The following USP37 variants were observed in gnomAD, a reference collection of about 807,000 sequenced individuals.
USP37 encodes ubiquitin carboxyl-terminal hydrolase 37.
In USP37, 27 loss-of-function variants were observed where a neutral mutation model predicts 124.0. The observed-to-expected ratio is 0.22, with a 90% CI of 0.16 to 0.30. The LOEUF (loss-of-function observed/expected upper bound fraction) is 0.30, where lower values mean the gene tolerates loss of function less well. Among genes scored for constraint, USP37 ranks in the 10% least tolerant of loss-of-function variants. The probability of loss-of-function intolerance (pLI) is 1.00; values close to 1 mark genes in which losing one functional copy is unlikely to be tolerated. For synonymous variants in USP37, 365 were observed against 388.0 expected, an observed-to-expected ratio of 0.94 and a Z score of 0.70; for missense variants, 889 against 1,140.4, an observed-to-expected ratio of 0.78 and a Z score of 3.17.
intron 8 of USP37, among the ~76,000 whole-genome samples, chr2:218,539,248 C>T (rs1016741828): frequency 9.2e-5 from 14 of 152,106 alleles, no homozygotes; most frequent in Non-Finnish European, 1.9e-4. Context: ...TATTAGCCAC[C>T]GTGCCCGACC....
At chr2:218,542,380 T>C (rs1207825861) in intron 8 of USP37, among the ~76,000 whole-genome samples, 1 of 152,164 alleles carries the variant, frequency 6.6e-6, no homozygotes, top group Non-Finnish European at 1.5e-5. Flanking sequence ...AAAAGTGTAG[T>C]GAACATGCTA....
chr2:218,504,039 G>A (rs1311919812), intron 11 of USP37, among the ~76,000 whole-genome samples: 2 of 152,074 alleles, frequency 1.3e-5, no homozygotes, highest in Non-Finnish European at 2.9e-5. Flanking sequence ...GGATAAAAAG[G>A]GGCATTTCAT....
chr2:218,566,654 A>G (rs1426714151), intron 1 of USP37, among the ~76,000 whole-genome samples: 1 of 152,212 alleles, frequency 6.6e-6, no homozygotes, highest in Admixed American at 6.5e-5. Context: ...TGGTTATCTC[A>G]CTTAATCCTC....
intron 22 of USP37, among the ~76,000 whole-genome samples, chr2:218,460,550 A>T (rs528346962): frequency 3.3e-5 from 5 of 152,338 alleles, no homozygotes; most frequent in African/African-American, 1.2e-4. Context: ...TATAAGCTAT[A>T]TATGTTAGAT....
chr2:218,494,539 G>A (rs1358205056), intron 14 of USP37, among the ~76,000 whole-genome samples: 1 of 152,148 alleles, frequency 6.6e-6, no homozygotes, highest in Non-Finnish European at 1.5e-5. Context: ...ACAAAGTCAG[G>A]TTTCTTATGA....
At chr2:218,465,085 T>C (rs1690241644) in intron 21 of USP37, among the ~76,000 whole-genome samples, 1 of 151,176 alleles carries the variant, frequency 6.6e-6, no homozygotes, top group South Asian at 2.1e-4. Context: ...TCTCAATAAA[T>C]AAACAGGAAG....
chr2:218,495,608 GT>G (rs1458326437), intron 14 of USP37, 151 bp downstream of exon 14: 8 of 719,544 alleles, frequency 1.1e-5, no homozygotes, highest in Non-Finnish European at 1.7e-5. Flanking sequence ...ATAAGCTGGG[GT>G]TGTGCCACTG....
intron 18 of USP37, among the ~76,000 whole-genome samples, chr2:218,478,677 T>C (rs1691099744): frequency 6.6e-6 from 1 of 152,338 alleles, no homozygotes; most frequent in Non-Finnish European, 1.5e-5. Flanking sequence ...ATTCCATTAA[T>C]GATTACTATA....
rs1280690740 is a variant in USP37 at position 218,491,029 on chromosome 2, A to G, written c.1473-2608T>C. Among the ~76,000 whole-genome samples the G allele has an allele frequency of 2.6e-5, 4 of 152,072 alleles. No individual in the cohort carries two copies. The South Asian group carries it at 6.2e-4, about 24-fold the overall frequency. ...GCTGGGACTACAGGTGTGCACCACCATGTCTGGCTATTTTTAAACTTTTTG... is the reference window on the plus strand; with the variant it reads ...GCTGGGACTACAGGTGTGCACCACCGTGTCTGGCTATTTTTAAACTTTTTG... On this transcript the variant is annotated intron_variant, in intron 14 of 25. Coordinates refer to ENST00000258399, the MANE Select transcript of USP37 (RefSeq NM_020935.3).
At chr2:218,499,632 T>C (rs1689263039) in intron 11 of USP37, among the ~76,000 whole-genome samples, 1 of 152,244 alleles carries the variant, frequency 6.6e-6, no homozygotes. Flanking sequence ...TTATAGCTTT[T>C]CTTCCCTCAC....
chr2:218,523,574 G>T (rs1450082597), intron 10 of USP37, among the ~76,000 whole-genome samples: 1 of 150,678 alleles, frequency 6.6e-6, no homozygotes, highest in African/African-American at 2.5e-5. Context: ...TTTTGGCGGG[G>T]GGGTCTTTTT....
intron 7 of USP37, 138 bp from the exon 8 acceptor site, chr2:218,546,436 T>C: frequency 1.6e-6 from 1 of 642,490 alleles, no homozygotes. Flanking sequence ...ATTATTATTT[T>C]CCAGACAGTC....
rs780002558 is a variant in USP37, at chr2:218,546,936, T to C, written c.585A>G (p.Ser195=). 2 of 1,611,020 alleles carry C rather than the reference T, an allele frequency of 1.2e-6. No homozygotes were observed. Among genetic ancestry groups the C allele is most frequent in the South Asian group, 2.2e-5 (2 of 90,172 alleles). ...SLTSTSTPLR[S]GLLENRTEKR... ...TCTCCTACCGATTTTCTAGCAACCCTGATCTAAGAGGTGTTGAAGTAGATG... is the reference window on the plus strand; with the variant it reads ...TCTCCTACCGATTTTCTAGCAACCCCGATCTAAGAGGTGTTGAAGTAGATG... Residue 195 remains serine, a synonymous_variant, in exon 7 of 26, where the codon TCA becomes TCG. Transcript: ENST00000258399.
intron 2 of USP37, among the ~76,000 whole-genome samples, chr2:218,561,719 A>C (rs1306530287): frequency 6.6e-6 from 1 of 152,060 alleles, no homozygotes; most frequent in African/African-American, 2.4e-5. Flanking sequence ...CTGCAGATCA[A>C]ATCATATCCC....
At chr2:218,536,293 A>G (rs1189526857) in intron 8 of USP37, among the ~76,000 whole-genome samples, 1 of 152,194 alleles carries the variant, frequency 6.6e-6, no homozygotes, top group African/African-American at 2.4e-5. Flanking sequence ...ACCATCATGA[A>G]CTAAGCCTGT....
chr2:218,500,202 A>G (rs1485122391), intron 11 of USP37, among the ~76,000 whole-genome samples: 1 of 151,836 alleles, frequency 6.6e-6, no homozygotes, highest in East Asian at 1.9e-4. Flanking sequence ...AGCCTCCCAA[A>G]TAACTAGGGT....
At chr2:218,550,175 C>CA (rs964827056) in intron 5 of USP37, among the ~76,000 whole-genome samples, 4 of 147,908 alleles carry the variant, frequency 2.7e-5, no homozygotes, top group Admixed American at 6.7e-5. Flanking sequence ...ATTTACAAAG[C>CA]AAAAAAAAAG....
chr2:218,499,482 C>G (rs1689254237), intron 11 of USP37, among the ~76,000 whole-genome samples: 2 of 152,008 alleles, frequency 1.3e-5, no homozygotes, highest in Admixed American at 6.6e-5. Flanking sequence ...GTTCTAAATA[C>G]TTTAGTGTAT....
chr2:218,532,338 C>A (rs1209153140), intron 9 of USP37, among the ~76,000 whole-genome samples: 1 of 151,852 alleles, frequency 6.6e-6, no homozygotes, highest in African/African-American at 2.4e-5. Context: ...TAGTGGTGTG[C>A]GCCTGTAGTC....
Sources: allele counts gnomAD v4.1 joint callset (sites outside exome capture counted in the v4.1 genomes callset), GRCh38; gene constraint gnomAD v4.1.1; transcripts MANE v1.5; gene names NCBI Gene and HGNC (gene_info 2026-07-23, HGNC 2026-07-21).